The following VRK2 variants were observed in gnomAD, a reference collection of about 807,000 sequenced individuals.
The protein encoded by VRK2 is serine/threonine-protein kinase VRK2.
A neutral mutation model predicts 57.6 loss-of-function variants in VRK2; 60 were observed. The observed-to-expected ratio is 1.04, with a 90% CI of 0.85 to 1.29. The LOEUF is 1.29. Ranked by LOEUF, VRK2 falls within the 50% of genes most tolerant of loss-of-function variation. The pLI is 0.00. For synonymous variants in VRK2, 231 were observed against 199.2 expected (o/e 1.16, Z -1.35); for missense variants, 705 against 588.1 (o/e 1.20, Z -2.06).
intron 1 of VRK2, among the ~76,000 whole-genome samples, chr2:57,937,662 G>T (rs900812309): frequency 6.6e-6 from 1 of 152,130 alleles, no homozygotes; most frequent in Non-Finnish European, 1.5e-5. Flanking sequence ...CAATGTGTAG[G>T]AGTTGAACTT....
intron 1 of VRK2, among the ~76,000 whole-genome samples, chr2:57,933,277 A>G (rs1231043164): frequency 7.2e-6 from 1 of 139,622 alleles, no homozygotes; most frequent in African/African-American, 2.8e-5. Flanking sequence ...GTCATCAATT[A>G]CTGTATTGCT....
chr2:58,123,974 T>A (rs1486890614), intron 8 of VRK2, among the ~76,000 whole-genome samples: 1 of 152,184 alleles, frequency 6.6e-6, no homozygotes, highest in Non-Finnish European at 1.5e-5. Context: ...CCATAAAGTG[T>A]TAATTTGTGG....
At position 57,930,543 on chromosome 2, in the gene VRK2, G is replaced by A. The variant is rs74889134; in HGVS notation, c.-439+22704G>A. 4.7e-3 allele frequency among the ~76,000 whole-genome samples: 708 copies of A among 152,238 alleles called. 5 individuals are homozygous for A. The highest frequency in any genetic ancestry group is 0.016 in the African/African-American group (678 of 41,532). ...AACCTGGTACTTTGATTGCTTGCTT[G>A]GTTTTTAGTGGTTATAAAGGTGCAT... On this transcript the variant is annotated intron_variant, in intron 1 of 15. Coordinates refer to the VRK2 transcript ENST00000417641.
intron 5 of VRK2, among the ~76,000 whole-genome samples, chr2:58,086,971 A>G (rs975070499): frequency 4.6e-5 from 7 of 152,236 alleles, no homozygotes; most frequent in Admixed American, 1.3e-4. Flanking sequence ...GTCACTAGAT[A>G]GATCCATTGG....
rs148716461 is a variant in VRK2 at position 58,146,421 on chromosome 2, A to T, written c.1129A>T (p.Lys377Ter). ...AAGCGCTGAGTCCTGTGCAACATGGAAAGTGCAGAAAGAGGAGAAACTGAT... is the reference window on the plus strand; with the variant it reads ...AAGCGCTGAGTCCTGTGCAACATGGTAAGTGCAGAAAGAGGAGAAACTGAT... ...ERSAESCATWKVQKEEKLIGL... is the reference protein window; with the variant it reads ...ERSAESCATW Residue 377 changes from lysine (K) to a stop codon, truncating the protein, a stop_gained, in exon 12 of 13, where the codon AAA becomes TAA. Coordinates refer to ENST00000340157, the MANE Select transcript of VRK2 (RefSeq NM_006296.7). LOFTEE classifies it high-confidence loss of function. 11 of 1,611,724 alleles carry T rather than the reference A, an allele frequency of 6.8e-6. No homozygotes were observed. The highest frequency in any genetic ancestry group is 9.3e-6 in the Non-Finnish European group (11 of 1,178,430).
At chr2:58,097,335 T>C (rs1673287181) in intron 7 of VRK2, among the ~76,000 whole-genome samples, 1 of 152,220 alleles carries the variant, frequency 6.6e-6, no homozygotes, top group Admixed American at 6.5e-5. Context: ...TTATTGCTGT[T>C]ATTTGGTATA....
Position 58,159,638 on chromosome 2 carries a change from G to GC in VRK2, c.1473dup (p.Ile492HisfsTer30), listed in dbSNP as rs1558724703. Reference sequence around the variant, plus strand: ...ACAAACGCAGATGTTTATTATTATCGCATCATCATACCTGTCCTTTTGATG... The same window carrying GC: ...ACAAACGCAGATGTTTATTATTATCGCCATCATCATACCTGTCCTTTTGATG... On this transcript the variant is annotated frameshift_variant, in exon 13 of 13. Transcript: ENST00000340157. LOFTEE classifies it high-confidence loss of function. 1 of 1,613,596 alleles carries GC rather than the reference G, an allele frequency of 6.2e-7. No individual in the cohort carries two copies.
chr2:57,982,587 G>A (rs1020496206), intron 1 of VRK2, among the ~76,000 whole-genome samples: 3 of 152,176 alleles, frequency 2.0e-5, no homozygotes, highest in Non-Finnish European at 4.4e-5. Flanking sequence ...TGAAGGTTAG[G>A]TGGGGTCTGC....
At chr2:58,157,534 T>TATC (rs766734201) in intron 12 of VRK2, among the ~76,000 whole-genome samples, 1 of 152,190 alleles carries the variant, frequency 6.6e-6, no homozygotes, top group South Asian at 2.1e-4. Flanking sequence ...ACCAATGCTC[T>TATC]ATCACAGTAG....
At chr2:57,961,592 G>T (rs1347387951) in intron 1 of VRK2, among the ~76,000 whole-genome samples, 1 of 150,548 alleles carries the variant, frequency 6.6e-6, no homozygotes, top group African/African-American at 2.5e-5. Flanking sequence ...CATAGGATTT[G>T]TGGTCATCTA....
At chr2:58,111,831 G>A (rs545228016) in intron 7 of VRK2, among the ~76,000 whole-genome samples, 1 of 152,152 alleles carries the variant, frequency 6.6e-6, no homozygotes, top group African/African-American at 2.4e-5. Context: ...ACCAAAACAA[G>A]TTTTATTTTA....
intron 12 of VRK2, among the ~76,000 whole-genome samples, chr2:58,155,625 C>G (rs191365465): frequency 6.6e-5 from 10 of 152,126 alleles, no homozygotes; most frequent in African/African-American, 1.9e-4. Flanking sequence ...GTCAACAGGG[C>G]TCTACCTGTC....
intron 1 of VRK2, among the ~76,000 whole-genome samples, chr2:57,918,473 T>A (rs1206659533): frequency 6.6e-6 from 1 of 152,148 alleles, no homozygotes; most frequent in African/African-American, 2.4e-5. Flanking sequence ...ATGGCTTGCC[T>A]CTTTTCCAGA....
intron 1 of VRK2, among the ~76,000 whole-genome samples, chr2:57,909,610 A>G (rs1379353280): frequency 6.6e-6 from 1 of 152,174 alleles, no homozygotes; most frequent in Non-Finnish European, 1.5e-5. Context: ...TTGAGAAATA[A>G]TTATCCTTTG....
At chr2:57,936,531 G>GTTT (rs539088139) in intron 1 of VRK2, among the ~76,000 whole-genome samples, 5 of 134,974 alleles carry the variant, frequency 3.7e-5, no homozygotes, top group African/African-American at 5.6e-5. Flanking sequence ...TTGTTTTTTT[G>GTTT]TTTTTTTTTT....
intron 2 of VRK2, among the ~76,000 whole-genome samples, chr2:58,067,260 T>C (rs961435533): frequency 2.6e-5 from 4 of 152,142 alleles, no homozygotes; most frequent in Admixed American, 2.6e-4. Flanking sequence ...AGACTGGCTT[T>C]GTTGCTTCTA....
chr2:57,988,146 C>T (rs771187359), intron 1 of VRK2, among the ~76,000 whole-genome samples: 3 of 152,076 alleles, frequency 2.0e-5, no homozygotes, highest in Non-Finnish European at 4.4e-5. Context: ...AAGGGTGTGT[C>T]ACTGTAGGTA....
chr2:58,008,269 A>G (rs1572772826), intron 1 of VRK2, among the ~76,000 whole-genome samples: 1 of 152,102 alleles, frequency 6.6e-6, no homozygotes, highest in South Asian at 2.1e-4. Flanking sequence ...TGAACTTACA[A>G]TAAAAAATTA....
At chr2:58,062,919 A>C (rs1016749540) in intron 2 of VRK2, among the ~76,000 whole-genome samples, 1 of 152,126 alleles carries the variant, frequency 6.6e-6, no homozygotes, top group Non-Finnish European at 1.5e-5. Context: ...ACAGCCTTCT[A>C]TTGGAAGAAG....
Sources: allele counts gnomAD v4.1 joint callset (sites outside exome capture counted in the v4.1 genomes callset), GRCh38; gene constraint gnomAD v4.1.1; transcripts MANE v1.5; gene names NCBI Gene and HGNC (gene_info 2026-07-23, HGNC 2026-07-21).